Variants in DSCAM observed in about 807,000 individuals in gnomAD.
The protein encoded by DSCAM is cell adhesion molecule DSCAM.
A neutral mutation model predicts 217.7 loss-of-function variants in DSCAM; 47 were observed. The ratio of observed to expected loss-of-function variants is 0.22; its 90% confidence interval spans 0.17 to 0.28. The LOEUF (loss-of-function observed/expected upper bound fraction) is 0.28, where lower values mean the gene tolerates loss of function less well. DSCAM is among the 10% of genes least tolerant of loss of function. The probability of loss-of-function intolerance (pLI) is 1.00; values close to 1 mark genes in which losing one functional copy is unlikely to be tolerated. For missense variants in DSCAM, 2,080 were observed against 2,618.3 expected, an observed-to-expected ratio of 0.79 and a Z score of 4.49; for synonymous variants, 1,056 against 1,015.3, an observed-to-expected ratio of 1.04 and a Z score of -0.76.
chr21:40,355,798 T>C (rs2074685616), intron 4 of DSCAM, among the ~76,000 whole-genome samples: 1 of 152,214 alleles, frequency 6.6e-6, no homozygotes, highest in Non-Finnish European at 1.5e-5. Context: ...GAGAGCCATC[T>C]GGAACTTTGT....
intron 4 of DSCAM, among the ~76,000 whole-genome samples, chr21:40,363,754 A>G (rs570651176): frequency 9.9e-5 from 15 of 152,274 alleles, no homozygotes; most frequent in African/African-American, 2.9e-4. Context: ...CCTACAGAAT[A>G]GGAGAAAATT....
chr21:40,525,477 G>T (rs954056501), intron 3 of DSCAM, among the ~76,000 whole-genome samples: 3 of 152,168 alleles, frequency 2.0e-5, no homozygotes, highest in Non-Finnish European at 2.9e-5. Context: ...TTGTGTTACA[G>T]ATCTCCAATG....
chr21:40,532,235 CAAAA>C (rs952595431), intron 3 of DSCAM, among the ~76,000 whole-genome samples: 21 of 151,072 alleles, frequency 1.4e-4, no homozygotes, highest in African/African-American at 5.1e-4. Context: ...CTGGGGAAAA[CAAAA>C]AAAGAACAAT....
At chr21:40,312,054 C>A in intron 9 of DSCAM, 27 bp downstream of exon 9, 9 of 1,593,058 alleles carry the variant, frequency 5.6e-6, no homozygotes, top group Non-Finnish European at 7.7e-6. Flanking sequence ...TCTACAGATG[C>A]CACATGGCTC....
intron 15 of DSCAM, among the ~76,000 whole-genome samples, chr21:40,176,129 C>G (rs1404595603): frequency 2.0e-5 from 3 of 152,002 alleles, no homozygotes; most frequent in African/African-American, 7.2e-5. Flanking sequence ...TGGAAAAAGG[C>G]ATTGCACCAG....
intron 10 of DSCAM, among the ~76,000 whole-genome samples, chr21:40,279,354 G>A (rs1010354678): frequency 7.3e-6 from 1 of 137,880 alleles, no homozygotes; most frequent in African/African-American, 2.6e-5. Flanking sequence ...CTTTTATGTG[G>A]CCAAGAAACA....
At chr21:40,524,612 T>C (rs369525695) in intron 3 of DSCAM, among the ~76,000 whole-genome samples, 135 of 152,304 alleles carry the variant, frequency 8.9e-4, no homozygotes, top group African/African-American at 2.5e-3. Context: ...ATTCATTCTT[T>C]TTTTGCTTGA....
At chr21:40,825,266 T>TTTCCTTCTTTCCTTCCTTCCTTCCTTCC (rs1251108584) in intron 1 of DSCAM, among the ~76,000 whole-genome samples, 4 of 140,060 alleles carry the variant, frequency 2.9e-5, no homozygotes, top group East Asian at 2.1e-4. Flanking sequence ...ATTTTCTTTC[T>TTTCCTTCTTTCCTTCCTTCCTTCCTTCC]TTCCTTCCTT....
intron 19 of DSCAM, 113 bp from the exon 20 acceptor site, chr21:40,124,441 C>T (rs2090072387): frequency 1.1e-5 from 15 of 1,376,348 alleles, no homozygotes; most frequent in Admixed American, 7.6e-5. Flanking sequence ...TCAGGATGAG[C>T]GTTATGGGTT....
intron 3 of DSCAM, among the ~76,000 whole-genome samples, chr21:40,432,588 A>G (rs947516087): frequency 2.0e-4 from 30 of 152,234 alleles, no homozygotes; most frequent in Admixed American, 5.2e-4. Context: ...TTCGGATTCA[A>G]CATCTTTGGT....
Position 40,075,003 on chromosome 21 carries a change from A to T in DSCAM, c.4888+34T>A, listed in dbSNP as rs775754153. ...CCCATTGGCTGCAGAGCAGCAGGGG[A>T]CACGCGTAGGTGGACAGCTGGGCCT... is the stretch of plus-strand genomic sequence containing the variant. On this transcript the variant is annotated intron_variant, in intron 27 of 32. Transcript: ENST00000400454. The T allele has an allele frequency of 5.6e-6, 9 of 1,608,636 alleles. No homozygotes were observed. In the Admixed American group the frequency reaches 1.5e-4, roughly 27 times the overall value.
At chr21:40,463,218 G>C (rs773236573) in intron 3 of DSCAM, among the ~76,000 whole-genome samples, 1 of 151,842 alleles carries the variant, frequency 6.6e-6, no homozygotes, top group Admixed American at 6.6e-5. Flanking sequence ...ATAATGGCTT[G>C]CAAGCAAGGA....
rs199731183 is a variant in DSCAM at position 40,603,921 on chromosome 21, A to G, written c.508+88889T>C. 3.2e-3 allele frequency among the ~76,000 whole-genome samples: 201 copies of G among 62,828 alleles called. 2 individuals carry two copies. The East Asian group carries it at 0.053, about 17-fold the overall frequency. The allele number at this position is 62,828 out of a possible 152,430, so 41.2% of individuals were successfully genotyped here. On this transcript the variant is annotated intron_variant, in intron 3 of 32. Coordinates refer to ENST00000400454, the MANE Select transcript of DSCAM (RefSeq NM_001389.5). The stretch of plus-strand genomic sequence containing the variant: ...CATGCCTAGGTGTAGACTTTTTTGC[A>G]TTTCTTTTTTTTTTTTTTTTTTTTC...
At chr21:40,787,375 T>C (rs1307825880) in intron 1 of DSCAM, among the ~76,000 whole-genome samples, 1 of 152,216 alleles carries the variant, frequency 6.6e-6, no homozygotes, top group Non-Finnish European at 1.5e-5. Flanking sequence ...CACACTGGAC[T>C]TCTGTAATCT....
chr21:40,568,884 G>A (rs2076785023), intron 3 of DSCAM, among the ~76,000 whole-genome samples: 1 of 152,152 alleles, frequency 6.6e-6, no homozygotes, highest in African/African-American at 2.4e-5. Flanking sequence ...CACGAGGGCT[G>A]TAGCAGGAGG....
chr21:40,217,252 A>G (rs1601451576), intron 11 of DSCAM, among the ~76,000 whole-genome samples: 4 of 152,234 alleles, frequency 2.6e-5, no homozygotes, highest in Admixed American at 2.6e-4. Flanking sequence ...AATGCAGAAA[A>G]GTATAAAAAA....
At chr21:40,441,129 T>C (rs1044654171) in intron 3 of DSCAM, among the ~76,000 whole-genome samples, 1 of 152,166 alleles carries the variant, frequency 6.6e-6, no homozygotes, top group African/African-American at 2.4e-5. Flanking sequence ...AGGGAGTGTC[T>C]GTCTCTGAGT....
At chr21:40,734,199 A>G (rs926476448) in intron 1 of DSCAM, among the ~76,000 whole-genome samples, 1 of 152,202 alleles carries the variant, frequency 6.6e-6, no homozygotes, top group African/African-American at 2.4e-5. Context: ...AAAAGATGAC[A>G]CTGAGAGTCT....
At chr21:40,164,455 A>G (rs1411286327) in intron 16 of DSCAM, among the ~76,000 whole-genome samples, 1 of 152,156 alleles carries the variant, frequency 6.6e-6, no homozygotes, top group African/African-American at 2.4e-5. Context: ...TTTGCTGGAC[A>G]TGAAAGATTT....
Sources: gnomAD v4.1 joint callset for allele counts (sites outside exome capture counted in the v4.1 genomes callset) on GRCh38, gnomAD v4.1.1 for gene constraint, MANE v1.5 for transcripts, NCBI Gene and HGNC (gene_info 2026-07-23, HGNC 2026-07-21) for gene names.